NTM: variants seen among roughly 807,000 people sequenced by gnomAD.
NTM encodes neurotrimin.
Under a neutral mutation model 42.1 loss-of-function variants are expected in NTM, and 13 were observed. That is an observed-to-expected ratio of 0.31 (90% CI 0.20 to 0.49). The LOEUF is 0.49. NTM is among the 20% of genes least tolerant of loss of function. The probability of loss-of-function intolerance (pLI) is 0.99; values close to 1 mark genes in which losing one functional copy is unlikely to be tolerated. For missense variants in NTM, 373 were observed against 452.8 expected, an observed-to-expected ratio of 0.82 and a Z score of 1.60; for synonymous variants, 187 against 179.2, an observed-to-expected ratio of 1.04 and a Z score of -0.35.
intron 1 of NTM, among the ~76,000 whole-genome samples, chr11:131,437,768 G>A (rs1949273984): frequency 6.6e-6 from 1 of 152,166 alleles, no homozygotes; most frequent in Non-Finnish European, 1.5e-5. Context: ...TTTAAGTGGG[G>A]CATTTAGCCC....
At position 132,296,300 on chromosome 11, in the gene NTM, G is replaced by T. The variant is rs1475697264; in HGVS notation, c.527-11389G>T. 3.3e-5 allele frequency among the ~76,000 whole-genome samples: 5 copies of T among 152,290 alleles called. No homozygotes were observed. The East Asian group carries it at 9.7e-4, about 29-fold the overall frequency. On this transcript the variant is annotated intron_variant, in intron 4 of 8. Coordinates refer to ENST00000683400, the MANE Select transcript of NTM (RefSeq NM_001352005.2). The stretch of plus-strand genomic sequence containing the variant: ...TACAGTGCTGAGATGGCATTTAAAA[G>T]AATAGGTTTACCTGGGGAGGGGGTA...
At chr11:131,376,797 A>G (rs1316684225) in intron 1 of NTM, among the ~76,000 whole-genome samples, 1 of 151,578 alleles carries the variant, frequency 6.6e-6, no homozygotes. Flanking sequence ...TCCTTTGCTC[A>G]TCTTGGAAGC....
intron 1 of NTM, among the ~76,000 whole-genome samples, chr11:131,673,943 G>GA (rs2070875743): frequency 6.6e-6 from 1 of 152,246 alleles, no homozygotes; most frequent in African/African-American, 2.4e-5. Flanking sequence ...GGCACAAAGA[G>GA]AAAGAGGGTA....
Position 131,872,467 on chromosome 11 carries a change from A to G in NTM, c.83-39097A>G, listed in dbSNP as rs544003364. 2.6e-5 allele frequency among the ~76,000 whole-genome samples: 4 copies of G among 152,306 alleles called. No individual in the cohort carries two copies. The East Asian group carries it at 7.7e-4, about 29-fold the overall frequency. On this transcript the variant is annotated intron_variant, in intron 1 of 8. Transcript: ENST00000683400. ...ATATTGGCTTGTTCAGCCAGGATCT[A>G]TGATCATGTTTTCCACTTCACAAAA...
chr11:131,928,813 G>A (rs914654946), intron 2 of NTM, among the ~76,000 whole-genome samples: 2 of 152,118 alleles, frequency 1.3e-5, no homozygotes, highest in Admixed American at 1.3e-4. Flanking sequence ...ATTCCCCATG[G>A]CTTGCTTAGC....
chr11:131,730,812 G>A (rs1307926682), intron 1 of NTM, among the ~76,000 whole-genome samples: 3 of 152,086 alleles, frequency 2.0e-5, no homozygotes, highest in South Asian at 4.2e-4. Context: ...AGCAAAATTC[G>A]GATTTCAAGG....
chr11:132,045,792 C>T (rs900366092), intron 2 of NTM, among the ~76,000 whole-genome samples: 14 of 152,102 alleles, frequency 9.2e-5, no homozygotes, highest in Admixed American at 4.6e-4. Context: ...CCATATATGT[C>T]GGTGTTCCTG....
chr11:131,851,264 T>C (rs1255951854), intron 1 of NTM, among the ~76,000 whole-genome samples: 3 of 152,244 alleles, frequency 2.0e-5, no homozygotes, highest in South Asian at 2.1e-4. Flanking sequence ...CTTAGAATCA[T>C]AGAGCTGTTG....
At chr11:132,167,708 G>A (rs1028330442) in intron 3 of NTM, among the ~76,000 whole-genome samples, 1 of 152,200 alleles carries the variant, frequency 6.6e-6, no homozygotes, top group Admixed American at 6.5e-5. Context: ...ATTATACATA[G>A]TAGTCATTCA....
chr11:131,767,141 G>A (rs1341482022), intron 1 of NTM: 1 of 982,296 alleles, frequency 1.0e-6, no homozygotes, highest in African/African-American at 1.7e-5. Flanking sequence ...AACAGTTCAG[G>A]CTCCAGATTC....
At chr11:131,409,691 TTCCC>T (rs1946166806) in intron 1 of NTM, among the ~76,000 whole-genome samples, 1 of 152,202 alleles carries the variant, frequency 6.6e-6, no homozygotes, top group South Asian at 2.1e-4. Flanking sequence ...AAGCCCCGTT[TTCCC>T]TTTCTTCTGG....
intron 2 of NTM, among the ~76,000 whole-genome samples, chr11:131,960,650 A>G (rs186607010): frequency 1.1e-3 from 169 of 152,348 alleles, no homozygotes; most frequent in African/African-American, 3.8e-3. Context: ...AGGTATTTGC[A>G]GCAGATTGGG....
intron 1 of NTM, among the ~76,000 whole-genome samples, chr11:131,845,910 A>G (rs1429954170): frequency 6.6e-6 from 1 of 152,156 alleles, no homozygotes; most frequent in African/African-American, 2.4e-5. Context: ...GCAGTTCTAG[A>G]TAAATAAGTG....
chr11:131,671,396 A>G (rs2134640465), intron 1 of NTM: 1 of 983,048 alleles, frequency 1.0e-6, no homozygotes, highest in Non-Finnish European at 1.2e-6. Context: ...ATCCTTCTAC[A>G]TTACCTGCAT....
At chr11:131,620,689 A>G (rs775337950) in intron 1 of NTM, among the ~76,000 whole-genome samples, 4 of 152,178 alleles carry the variant, frequency 2.6e-5, no homozygotes, top group African/African-American at 7.2e-5. Flanking sequence ...ACTCAAGTCT[A>G]TGCTCCCACG....
intron 1 of NTM, among the ~76,000 whole-genome samples, chr11:131,400,907 GGGCCTTCTATGTTTCT>G (rs1945058890): frequency 1.3e-5 from 2 of 151,522 alleles, no homozygotes; most frequent in Admixed American, 6.6e-5. Context: ...GTCTAACATT[GGGCCTTCTATGTTTCT>G]GGAGTCTGAT....
chr11:131,466,995 G>T (rs1530682), intron 1 of NTM, among the ~76,000 whole-genome samples: 39,231 of 152,064 alleles, frequency 0.26, 5,590 homozygotes, highest in East Asian at 0.58. Flanking sequence ...GTACACACAC[G>T]CACATGCAAA....
intron 1 of NTM, among the ~76,000 whole-genome samples, chr11:131,455,261 A>G (rs984315822): frequency 5.9e-5 from 9 of 152,168 alleles, no homozygotes; most frequent in Admixed American, 5.2e-4. Context: ...CCACAGGTTT[A>G]GATGCAGGAG....
chr11:131,955,418 G>C (rs993377999), intron 2 of NTM, among the ~76,000 whole-genome samples: 2 of 152,106 alleles, frequency 1.3e-5, no homozygotes, highest in African/African-American at 4.8e-5. Flanking sequence ...CAACTGCTAG[G>C]CCTTCCCTCT....
Sources: gnomAD v4.1 joint callset for allele counts (sites outside exome capture counted in the v4.1 genomes callset) on GRCh38, gnomAD v4.1.1 for gene constraint, MANE v1.5 for transcripts, NCBI Gene and HGNC (gene_info 2026-07-23, HGNC 2026-07-21) for gene names.